Variants in USP7 observed in about 807,000 individuals in gnomAD.
The protein encoded by USP7 is ubiquitin C-terminal hydrolase 7.
A neutral mutation model predicts 162.9 loss-of-function variants in USP7; 9 were observed. That is an observed-to-expected ratio of 0.06 (90% CI 0.03 to 0.10). The LOEUF is 0.10. Among genes scored for constraint, USP7 ranks in the 10% least tolerant of loss-of-function variants. The pLI is 1.00. For synonymous variants in USP7, 562 were observed against 475.9 expected (o/e 1.18, Z -2.35); for missense variants, 715 against 1,373.7 (o/e 0.52, Z 7.58).
chr16:8,927,999 T>C (rs901124881), intron 2 of USP7, among the ~76,000 whole-genome samples: 7 of 152,198 alleles, frequency 4.6e-5, no homozygotes, highest in African/African-American at 1.7e-4. Context: ...TAGCCACACA[T>C]GGCGGTACTT....
At chr16:8,900,661 G>C (rs764167225) in intron 20 of USP7, 31 bp from the exon 21 acceptor site, 5 of 1,530,608 alleles carry the variant, frequency 3.3e-6, no homozygotes, top group South Asian at 1.2e-5. Flanking sequence ...TTGTTACACT[G>C]CAAGTTTGTC....
At chr16:8,950,041 G>A (rs932254200) in intron 1 of USP7, among the ~76,000 whole-genome samples, 33 of 152,198 alleles carry the variant, frequency 2.2e-4, no homozygotes, top group Admixed American at 1.9e-3. Context: ...GCAACTGAGC[G>A]CTTGAAACAT....
At chr16:8,918,610 G>C (rs1897508951) in intron 6 of USP7, among the ~76,000 whole-genome samples, 1 of 152,118 alleles carries the variant, frequency 6.6e-6, no homozygotes, top group African/African-American at 2.4e-5. Flanking sequence ...AGGAGTTCGA[G>C]ACCAGCCTGG....
At chr16:8,896,060 C>T (rs1033742942) in intron 26 of USP7, among the ~76,000 whole-genome samples, 2 of 151,004 alleles carry the variant, frequency 1.3e-5, no homozygotes, top group Non-Finnish European at 2.9e-5. Flanking sequence ...AGGATGGTCT[C>T]GAACTCCTGA....
intron 6 of USP7, 114 bp downstream of exon 6, chr16:8,918,917 A>T (rs1897524680): frequency 7.0e-6 from 7 of 1,000,652 alleles, no homozygotes; most frequent in Non-Finnish European, 1.1e-5. Flanking sequence ...CAGCCATCTG[A>T]GGAGACAGGG....
chr16:8,917,160 A>C lies in USP7; in HGVS notation c.721-4T>G, dbSNP rs954834228. The C allele has an allele frequency of 6.3e-7, 1 of 1,589,926 alleles. No individual in the cohort carries two copies. Among genetic ancestry groups the C allele is most frequent in the African/African-American group, 1.4e-5 (1 of 73,482 alleles). On this transcript the variant is annotated splice_polypyrimidine_tract_variant and splice_region_variant and intron_variant, in intron 6 of 30. Coordinates refer to ENST00000344836, the MANE Select transcript of USP7 (RefSeq NM_003470.3). Reference sequence around the variant, plus strand: ...CGGTTGGCATCATGTACACAGCCTGAAACAATTAAGAAATAAGAATTTTTA... The same window carrying C: ...CGGTTGGCATCATGTACACAGCCTGCAACAATTAAGAAATAAGAATTTTTA...
At chr16:8,919,729 A>T (rs1042364713) in intron 5 of USP7, among the ~76,000 whole-genome samples, 3 of 150,956 alleles carry the variant, frequency 2.0e-5, no homozygotes, top group African/African-American at 7.3e-5. Flanking sequence ...GGTGCCAGAA[A>T]GCAAAGCAAT....
intron 1 of USP7, among the ~76,000 whole-genome samples, chr16:8,956,140 GTCAGGAAACC>G (rs1415916872): frequency 2.6e-5 from 4 of 152,222 alleles, no homozygotes; most frequent in Non-Finnish European, 5.9e-5. Flanking sequence ...ATATCGGGAT[GTCAGGAAACC>G]TTAGTTACTG....
intron 1 of USP7, among the ~76,000 whole-genome samples, chr16:8,957,596 A>G (rs1031798143): frequency 1.3e-5 from 2 of 151,826 alleles, no homozygotes; most frequent in African/African-American, 4.8e-5. Context: ...AAATTCAAAA[A>G]AAAAAAAAAA....
intron 18 of USP7, chr16:8,901,849 T>C (rs2061779711): frequency 1.1e-5 from 6 of 548,488 alleles, no homozygotes; most frequent in South Asian, 8.9e-5. Flanking sequence ...CAGCTGAGAC[T>C]GAAGACAGAA....
intron 1 of USP7, among the ~76,000 whole-genome samples, chr16:8,941,441 G>A (rs1203045790): frequency 6.6e-6 from 1 of 152,140 alleles, no homozygotes; most frequent in Non-Finnish European, 1.5e-5. Context: ...AGACAGGAAG[G>A]ACCTGAGGGG....
chr16:8,947,622 A>G (rs1330555419), intron 1 of USP7, among the ~76,000 whole-genome samples: 6 of 142,598 alleles, frequency 4.2e-5, no homozygotes, highest in African/African-American at 1.8e-4. Flanking sequence ...TGCTGGGATT[A>G]CAGGTGTGCG....
intron 1 of USP7, among the ~76,000 whole-genome samples, chr16:8,933,723 T>C (rs1898514431): frequency 6.6e-6 from 1 of 151,918 alleles, no homozygotes; most frequent in Non-Finnish European, 1.5e-5. Context: ...ATGCTGGGAT[T>C]ACAGGCATGT....
At chr16:8,947,172 G>A (rs1333839201) in intron 1 of USP7, among the ~76,000 whole-genome samples, 2 of 151,946 alleles carry the variant, frequency 1.3e-5, no homozygotes, top group South Asian at 4.2e-4. Context: ...TGCACAAGCA[G>A]GTATGAAGTC....
At chr16:8,915,586 T>C in intron 8 of USP7, 61 bp from the exon 9 acceptor site, 1 of 1,380,362 alleles carries the variant, frequency 7.2e-7, no homozygotes, top group Non-Finnish European at 1.0e-6. Context: ...TATACAGTAA[T>C]TTTATAATTG....
chr16:8,922,589 C>CT (rs1466853335), intron 3 of USP7, among the ~76,000 whole-genome samples: 3 of 152,192 alleles, frequency 2.0e-5, no homozygotes, highest in African/African-American at 7.2e-5. Flanking sequence ...GGCAGGGAGA[C>CT]TAGGACAGGT....
Position 8,923,538 on chromosome 16 carries a change from A to C in USP7, c.185-125T>G, listed in dbSNP as rs1197769127. On this transcript the variant is annotated intron_variant, in intron 2 of 30. Coordinates refer to ENST00000344836, the MANE Select transcript of USP7 (RefSeq NM_003470.3). ...ACTGCTAAAACCTAACAGTTTGAAA[A>C]AATTGCTTCCAATTTATTAAAACCC... 1.8e-5 allele frequency: 18 copies of C among 1,008,888 alleles called. No individual in the cohort carries two copies. The Admixed American group carries it at 4.9e-4, about 28-fold the overall frequency. 62.5% of individuals were successfully genotyped at this position (1,008,888 alleles called of 1,614,324 possible). A position where few individuals can be genotyped will look rare whatever the true frequency, so the allele number is the denominator to read the frequency against.
chr16:8,913,939 T>C lies in USP7; in HGVS notation c.1078+1315A>G, dbSNP rs2061990888. 2.0e-5 allele frequency among the ~76,000 whole-genome samples: 3 copies of C among 151,894 alleles called. No individual in the cohort carries two copies. The South Asian group carries it at 6.2e-4, about 31-fold the overall frequency. Reference sequence around the variant, plus strand: ...AATTTGTAGAGATGGAGTCTCACTATGTTGCCCAGGCTGGCCTCAAACTCC... The same window carrying C: ...AATTTGTAGAGATGGAGTCTCACTACGTTGCCCAGGCTGGCCTCAAACTCC... On this transcript the variant is annotated intron_variant, in intron 10 of 30. Coordinates refer to ENST00000344836, the MANE Select transcript of USP7 (RefSeq NM_003470.3).
intron 10 of USP7, among the ~76,000 whole-genome samples, chr16:8,914,921 A>C (rs1470340982): frequency 6.6e-6 from 1 of 152,230 alleles, no homozygotes; most frequent in African/African-American, 2.4e-5. Context: ...AAAAAACAAC[A>C]GCGAAATAAA....
Sources: gnomAD v4.1 joint callset for allele counts (sites outside exome capture counted in the v4.1 genomes callset) on GRCh38, gnomAD v4.1.1 for gene constraint, MANE v1.5 for transcripts, NCBI Gene and HGNC (gene_info 2026-07-23, HGNC 2026-07-21) for gene names.